FER: variants seen among roughly 807,000 people sequenced by gnomAD.
FER encodes FER tyrosine kinase.
In FER, 63 loss-of-function variants were observed where a neutral mutation model predicts 111.0. The ratio of observed to expected loss-of-function variants is 0.57; its 90% CI spans 0.46 to 0.70. FER has a LOEUF of 0.70. Ranked by LOEUF, FER falls within the 30% of genes least tolerant of loss-of-function variation. FER has a pLI of 0.00. For missense variants in FER, 914 were observed against 954.0 expected (o/e 0.96, Z 0.55); for synonymous variants, 327 against 313.9 (o/e 1.04, Z -0.44).
At chr5:108,768,947 C>T (rs1453393525) in intron 2 of FER, among the ~76,000 whole-genome samples, 2 of 152,010 alleles carry the variant, frequency 1.3e-5, no homozygotes, top group African/African-American at 2.4e-5. Context: ...GCCTCAGCCT[C>T]CCAAGTAGCT....
At chr5:108,775,290 T>C (rs2149979829) in intron 2 of FER, among the ~76,000 whole-genome samples, 1 of 152,322 alleles carries the variant, frequency 6.6e-6, no homozygotes, top group East Asian at 1.9e-4. Flanking sequence ...GAATTTTGAA[T>C]GAATTAATTG....
chr5:109,016,025 G>T (rs1767062943), intron 13 of FER, among the ~76,000 whole-genome samples: 1 of 151,926 alleles, frequency 6.6e-6, no homozygotes. Flanking sequence ...TTTAGTTTAA[G>T]GGTTACTATT....
chr5:108,976,522 C>T (rs1761364202), intron 13 of FER, among the ~76,000 whole-genome samples: 1 of 152,084 alleles, frequency 6.6e-6, no homozygotes, highest in Non-Finnish European at 1.5e-5. Context: ...CCTGAACAAT[C>T]TGGGGGTGAC....
At chr5:109,014,402 C>T (rs1766743170) in intron 13 of FER, among the ~76,000 whole-genome samples, 1 of 152,120 alleles carries the variant, frequency 6.6e-6, no homozygotes, top group Admixed American at 6.6e-5. Flanking sequence ...AGATATACGG[C>T]CTTATTTCTG....
chr5:109,108,683 C>T (rs958465080), intron 17 of FER, among the ~76,000 whole-genome samples: 1 of 152,150 alleles, frequency 6.6e-6, no homozygotes, highest in Admixed American at 6.6e-5. Flanking sequence ...TTTGAGAATT[C>T]ATGTTCTCAA....
intron 10 of FER, among the ~76,000 whole-genome samples, chr5:108,917,630 A>G (rs1392781423): frequency 6.6e-6 from 1 of 152,210 alleles, no homozygotes; most frequent in Non-Finnish European, 1.5e-5. Context: ...GATTATAACT[A>G]AAAACCAAAG....
intron 3 of FER, among the ~76,000 whole-genome samples, chr5:108,824,971 T>C (rs1023343450): frequency 1.3e-5 from 2 of 151,956 alleles, no homozygotes; most frequent in Non-Finnish European, 2.9e-5. Context: ...AACCAGCAAG[T>C]TTTTATTAGG....
chr5:109,036,849 T>A (rs1770475537), intron 13 of FER, among the ~76,000 whole-genome samples: 1 of 152,040 alleles, frequency 6.6e-6, no homozygotes, highest in Admixed American at 6.6e-5. Flanking sequence ...TATGTTTGCA[T>A]CACTGGCCTT....
chr5:109,028,250 G>T (rs1022005779), intron 13 of FER, among the ~76,000 whole-genome samples: 10 of 152,132 alleles, frequency 6.6e-5, no homozygotes, highest in African/African-American at 1.9e-4. Context: ...TGTGCAAAAT[G>T]CAAAGCTTTA....
chr5:108,870,530 T>G (rs1764502812), intron 6 of FER, among the ~76,000 whole-genome samples: 2 of 152,140 alleles, frequency 1.3e-5, no homozygotes, highest in African/African-American at 4.8e-5. Context: ...CTGAAACAAT[T>G]TAAATCTCAG....
At chr5:108,984,396 T>C (rs1414866742) in intron 13 of FER, among the ~76,000 whole-genome samples, 1 of 152,112 alleles carries the variant, frequency 6.6e-6, no homozygotes, top group Non-Finnish European at 1.5e-5. Context: ...ATCCCAGTTA[T>C]TATATATACA....
intron 16 of FER, among the ~76,000 whole-genome samples, chr5:109,057,032 C>A (rs750358403): frequency 6.6e-5 from 10 of 152,046 alleles, no homozygotes; most frequent in Non-Finnish European, 1.5e-4. Flanking sequence ...AAATAGACTT[C>A]CTAGCAATAT....
chr5:108,893,178 A>G (rs1401138483), intron 9 of FER, among the ~76,000 whole-genome samples: 8 of 152,106 alleles, frequency 5.3e-5, no homozygotes, highest in South Asian at 2.1e-4. Flanking sequence ...TATGAACTTT[A>G]AAGTAGTTTT....
intron 3 of FER, among the ~76,000 whole-genome samples, chr5:108,830,409 G>A (rs1392051635): frequency 1.3e-5 from 2 of 152,166 alleles, no homozygotes; most frequent in Admixed American, 6.5e-5. Context: ...AGTGGAGATT[G>A]CGTGACTGCA....
intron 14 of FER, among the ~76,000 whole-genome samples, chr5:109,042,394 T>C (rs945721984): frequency 1.3e-4 from 20 of 152,102 alleles, no homozygotes; most frequent in African/African-American, 4.3e-4. Context: ...AAAGCAAAGG[T>C]TTGCGTTGAA....
intron 17 of FER, among the ~76,000 whole-genome samples, chr5:109,109,989 T>C (rs760041021): frequency 1.3e-5 from 2 of 152,102 alleles, no homozygotes; most frequent in African/African-American, 2.4e-5. Flanking sequence ...GTTAACAAGG[T>C]TGAATCCTTA....
At chr5:109,147,755 C>G in intron 17 of FER, among the ~76,000 whole-genome samples, 1 of 143,420 alleles carries the variant, frequency 7.0e-6, no homozygotes. Flanking sequence ...ATGTTCTATA[C>G]AAAGAGAACA....
At chr5:109,010,785 C>T (rs764512285) in intron 13 of FER, among the ~76,000 whole-genome samples, 2 of 152,130 alleles carry the variant, frequency 1.3e-5, no homozygotes, top group Non-Finnish European at 2.9e-5. Flanking sequence ...CTCTCGTTTT[C>T]TACCTCAGAG....
chr5:108,923,097 G>A (rs765763908), intron 10 of FER, among the ~76,000 whole-genome samples: 35 of 151,994 alleles, frequency 2.3e-4, no homozygotes, highest in Non-Finnish European at 4.4e-4. Flanking sequence ...GGGTTAATGT[G>A]GGGAGTTAAA....
Sources: allele counts gnomAD v4.1 joint callset (sites outside exome capture counted in the v4.1 genomes callset), GRCh38; gene constraint gnomAD v4.1.1; transcripts MANE v1.5; gene names NCBI Gene and HGNC (gene_info 2026-07-23, HGNC 2026-07-21).